Variants in GGCX observed in about 807,000 individuals in gnomAD.
The protein encoded by GGCX is gamma-glutamyl carboxylase.
In GGCX, 63 loss-of-function variants were observed where a neutral mutation model predicts 88.5. That is an observed-to-expected ratio of 0.71 (90% CI 0.58 to 0.88). The LOEUF (loss-of-function observed/expected upper bound fraction) is 0.88, where lower values mean the gene tolerates loss of function less well. Ranked by LOEUF, GGCX falls within the 40% of genes least tolerant of loss-of-function variation. The pLI, the probability that GGCX is intolerant of heterozygous loss-of-function variation, is 0.00. For synonymous variants in GGCX, 368 were observed against 365.8 expected, an observed-to-expected ratio of 1.01 and a Z score of -0.07; for missense variants, 805 against 932.9, an observed-to-expected ratio of 0.86 and a Z score of 1.79.
At chr2:85,555,680 A>G in intron 5 of GGCX, 90 bp from the exon 6 acceptor site, 1 of 764,354 alleles carries the variant, frequency 1.3e-6, no homozygotes, top group Non-Finnish European at 2.3e-6. Context: ...AGTTAGGACA[A>G]CTTGAATCCA....
chr2:85,553,450 G>T lies in GGCX; in HGVS notation c.937C>A (p.Pro313Thr). The T allele has an allele frequency of 6.2e-7, 1 of 1,613,940 alleles. No individual in the cohort carries two copies. Among genetic ancestry groups the T allele is most frequent in the Non-Finnish European group, 8.5e-7 (1 of 1,179,958 alleles). The part of the protein sequence containing the change: ...MLASSPLFCS[P>T]EWPRKLVSYC... ...GACACCAGCTTCCGAGGCCACTCAG[G>T]GGAGCAGAAGAGAGGGCTGCTGGCC... is the stretch of plus-strand genomic sequence containing the variant. The change falls in exon 8 of 15, where the codon CCT (proline) becomes ACT (threonine). Residue 313 changes from proline (P) to threonine (T), a missense_variant. Transcript: ENST00000233838.
chr2:85,553,893 G>T (rs1692089783), intron 7 of GGCX: 1 of 528,732 alleles, frequency 1.9e-6, no homozygotes, highest in East Asian at 3.5e-5. Context: ...GAGCCACCAA[G>T]CCCGGCCACA....
At chr2:85,559,239 A>G (rs1318955622) in intron 2 of GGCX, among the ~76,000 whole-genome samples, 164 bp from the exon 3 acceptor site, 1 of 152,224 alleles carries the variant, frequency 6.6e-6, no homozygotes, top group Non-Finnish European at 1.5e-5. Context: ...TCTGCACAGT[A>G]CTACATCTGT....
In GGCX at chr2:85,549,860, C is replaced by G; in HGVS notation, c.*74G>C. 6 of 639,774 alleles carry G rather than the reference C, an allele frequency of 9.4e-6. No individual in the cohort carries two copies. The highest frequency in any genetic ancestry group is 5.0e-5 in the East Asian group (1 of 20,034). The allele number at this position is 639,774 out of a possible 1,614,324, so 39.6% of individuals were successfully genotyped here. A position where few individuals can be genotyped will look rare whatever the true frequency, so the allele number is the denominator to read the frequency against. On this transcript the variant is annotated 3_prime_UTR_variant, in exon 15 of 15. Coordinates refer to ENST00000233838, the MANE Select transcript of GGCX (RefSeq NM_000821.7). ...AAAAAAAACTTTTGAGAATTTTTTT[C>G]AAATAAATGTCCATTGCATAGAATG...
chr2:85,550,771 AGAGGAATCACT>A, intron 13 of GGCX, 21 bp from the exon 14 acceptor site: 1 of 1,611,514 alleles, frequency 6.2e-7, no homozygotes, highest in Non-Finnish European at 8.5e-7. Flanking sequence ...GACAGAAAAA[AGAGGAATCACT>A]GAGATGGATC....
At chr2:85,554,861 G>A (rs1692139011) in intron 6 of GGCX, 5 of 184,018 alleles carry the variant, frequency 2.7e-5, no homozygotes, top group African/African-American at 7.1e-5. Flanking sequence ...AAATTTGACT[G>A]AGATGTGTGT....
chr2:85,550,556 T>C lies in GGCX; in HGVS notation c.2083A>G (p.Ser695Gly), dbSNP rs1691891305. Reference protein sequence around the residue: ...LLRKLYVFRRSFLMTCISLRN... With the variant: ...LLRKLYVFRRGFLMTCISLRN... ...TGACAAATATTGTTGTGAACTTACCTGCGGCGAAAGACATAGAGCTTTCGC... is the reference window on the plus strand; with the variant it reads ...TGACAAATATTGTTGTGAACTTACCCGCGGCGAAAGACATAGAGCTTTCGC... Residue 695 changes from serine (S) to glycine (G), a missense_variant and splice_region_variant, in exon 14 of 15, where the codon AGC becomes GGC. Coordinates refer to ENST00000233838, the MANE Select transcript of GGCX (RefSeq NM_000821.7). The C allele has an allele frequency of 2.5e-6, 4 of 1,611,230 alleles. No homozygotes were observed. The highest frequency in any genetic ancestry group is 1.7e-5 in the Admixed American group (1 of 60,004).
intron 14 of GGCX, 35 bp downstream of exon 14, chr2:85,550,518 CAT>C (rs1558804701): frequency 6.6e-7 from 1 of 1,506,398 alleles, no homozygotes; most frequent in East Asian, 2.3e-5. Context: ...AGCTTGCCAA[CAT>C]ATGATGGCAA....
intron 2 of GGCX, 76 bp from the exon 3 acceptor site, chr2:85,559,151 A>G (rs1272796888): frequency 8.3e-7 from 1 of 1,207,694 alleles, no homozygotes; most frequent in East Asian, 2.4e-5. Flanking sequence ...CACAGTTGAC[A>G]GTGTGCAGCT....
Position 85,548,774 on chromosome 2 carries a change from C to CT in GGCX, c.*1159dup, listed in dbSNP as rs1691788937. The CT allele has an allele frequency of 6.6e-6, 1 of 152,190 alleles. No homozygotes were observed. The highest frequency in any genetic ancestry group is 2.4e-5 in the African/African-American group (1 of 41,448). The allele number at this position is 152,190 out of a possible 1,614,324, so 9.4% of individuals were successfully genotyped here. ...GAACTGAGGAGCTTCCTGAGTTACCCTTGTATACCCCAACCTACAAAATGT... is the reference window on the plus strand; with the variant it reads ...GAACTGAGGAGCTTCCTGAGTTACCCTTTGTATACCCCAACCTACAAAATGT... On this transcript the variant is annotated 3_prime_UTR_variant, in exon 15 of 15. Coordinates refer to ENST00000233838, the MANE Select transcript of GGCX (RefSeq NM_000821.7).
In GGCX at chr2:85,560,798, C is replaced by T. The variant is rs1255620728; in HGVS notation, c.214+17G>A. On this transcript the variant is annotated intron_variant, in intron 2 of 14. Transcript: ENST00000233838. ...CCACTCTCAACCAAATTGCTCCCAC[C>T]CATAAACTGGACTCACCAAAAAGAA... 6 of 1,606,586 alleles carry T rather than the reference C, an allele frequency of 3.7e-6. No homozygotes were observed. The highest frequency in any genetic ancestry group is 5.1e-6 in the Non-Finnish European group (6 of 1,173,284).
At chr2:85,557,687 G>C (rs1692262413) in intron 4 of GGCX, among the ~76,000 whole-genome samples, 1 of 152,084 alleles carries the variant, frequency 6.6e-6, no homozygotes, top group Non-Finnish European at 1.5e-5. Context: ...TGGGAGGACT[G>C]CTTGAGCCCA....
Position 85,552,842 on chromosome 2 carries a change from A to C in GGCX, c.1287+97T>G, listed in dbSNP as rs141235324. ...CTTGAGAAAAGGCAAAGCAGACTCAAATTTGTTTTGCTTTATGGTGTGTGT... is the reference window on the plus strand; with the variant it reads ...CTTGAGAAAAGGCAAAGCAGACTCACATTTGTTTTGCTTTATGGTGTGTGT... On this transcript the variant is annotated intron_variant, in intron 9 of 14. Transcript: ENST00000233838. The C allele has an allele frequency of 0.019, 26,583 of 1,382,362 alleles. 390 individuals carry two copies. The highest frequency in any genetic ancestry group is 0.035 in the Admixed American group (2,102 of 59,738). The allele number at this position is 1,382,362 out of a possible 1,614,324, so 85.6% of individuals were successfully genotyped here. A position where few individuals can be genotyped will look rare whatever the true frequency, so the allele number is the denominator to read the frequency against.
chr2:85,551,479 C>T lies in GGCX; in HGVS notation c.1740+1G>A. Reference sequence around the variant, plus strand: ...TGCTGTTGTTAATCCCAGCAAAATACCTGCATTTTTTCTCCCTCTCGAAGA... The same window carrying T: ...TGCTGTTGTTAATCCCAGCAAAATATCTGCATTTTTTCTCCCTCTCGAAGA... On this transcript the variant is annotated splice_donor_variant, in intron 12 of 14. Coordinates refer to ENST00000233838, the MANE Select transcript of GGCX (RefSeq NM_000821.7). LOFTEE classifies it high-confidence loss of function. 1 of 1,614,008 alleles carries T rather than the reference C, an allele frequency of 6.2e-7. No homozygotes were observed. The highest frequency in any genetic ancestry group is 1.1e-5 in the South Asian group (1 of 91,074).
rs767913365 is a variant in GGCX at position 85,550,758 on chromosome 2, GA to G, written c.1889-9del. 1.6e-5 allele frequency: 26 copies of G among 1,612,638 alleles called. 1 individual carries two copies. In the Middle Eastern group the frequency reaches 1.1e-3, roughly 66 times the overall value. ...GGGGTAGAGGCCCTGTTTCTGCCCG[GA>G]AGACAGAAAAAAGAGGAATCACTGA... On this transcript the variant is annotated splice_polypyrimidine_tract_variant and intron_variant, in intron 13 of 14. Coordinates refer to ENST00000233838, the MANE Select transcript of GGCX (RefSeq NM_000821.7).
At chr2:85,554,638 T>A (rs79011269) in intron 6 of GGCX, 25 of 370,878 alleles carry the variant, frequency 6.7e-5, no homozygotes, top group South Asian at 2.6e-4. Flanking sequence ...GCTGTTTTTT[T>A]AAAAAATTTT....
Position 85,549,943 on chromosome 2 carries a change from T to G in GGCX, c.2268A>C (p.Ser756=). 2 of 1,611,788 alleles carry G rather than the reference T, an allele frequency of 1.2e-6. No individual in the cohort carries two copies. Among genetic ancestry groups the G allele is most frequent in the Non-Finnish European group, 1.7e-6 (2 of 1,178,046 alleles). Residue 756 remains serine, a synonymous_variant, in exon 15 of 15, where the codon TCA becomes TCC. Coordinates refer to ENST00000233838, the MANE Select transcript of GGCX (RefSeq NM_000821.7). The part of the protein sequence containing the change: ...PPESNPDPVH[S]EF ...CAACATCTGGCCCCCTTCAGAACTCTGAGTGGACAGGATCAGGATTTGACT... is the reference window on the plus strand; with the variant it reads ...CAACATCTGGCCCCCTTCAGAACTCGGAGTGGACAGGATCAGGATTTGACT...
At chr2:85,554,446 C>T in intron 6 of GGCX, 140 bp from the exon 7 acceptor site, 1 of 668,812 alleles carries the variant, frequency 1.5e-6, no homozygotes, top group South Asian at 1.5e-5. Flanking sequence ...AGACACTCCT[C>T]TAGGTTGTTT....
chr2:85,557,329 T>A lies in GGCX; in HGVS notation c.540-1069A>T, dbSNP rs185171732. Among the ~76,000 whole-genome samples, 15 of 151,800 alleles carry A rather than the reference T, an allele frequency of 9.9e-5. No individual in the cohort carries two copies. In the East Asian group the frequency reaches 2.7e-3, roughly 28 times the overall value. ...AGTGAGATCCCATCTCTACAAAAAA[T>A]TTTAAAAATTAGCTGAGTGTGGTGG... is the stretch of plus-strand genomic sequence containing the variant. On this transcript the variant is annotated intron_variant, in intron 4 of 14. Transcript: ENST00000233838.
Sources: allele counts gnomAD v4.1 joint callset (sites outside exome capture counted in the v4.1 genomes callset), GRCh38; gene constraint gnomAD v4.1.1; transcripts MANE v1.5; gene names NCBI Gene and HGNC (gene_info 2026-07-23, HGNC 2026-07-21).